GPR20: variants seen among roughly 807,000 people sequenced by gnomAD.
The protein encoded by GPR20 is CTD-3064M3.3.
For missense variants in GPR20, 494 were observed against 527.4 expected (o/e 0.94, Z 0.62); for synonymous variants, 241 against 241.9 (o/e 1.00, Z 0.04).
Position 141,357,060 on chromosome 8 carries a change from G to A in GPR20, c.864C>T (p.Leu288=). 6.2e-7 allele frequency: 1 copy of A among 1,612,574 alleles called. No homozygotes were observed. The highest frequency in any genetic ancestry group is 1.1e-5 in the South Asian group (1 of 91,062). ...VYHVAVTLSS[L]NSCMDPIVYC... ...AGACGATGGGGTCCATGCAGCTGTT[G>A]AGGCTGCTGAGGGTCACGGCCACGT... The change falls in exon 2 of 2, where the codon CTC becomes CTT. Residue 288 remains leucine, a synonymous_variant. Transcript: ENST00000377741.
intron 1 of GPR20, among the ~76,000 whole-genome samples, chr8:141,366,767 T>C (rs1241206624): frequency 6.6e-6 from 1 of 152,188 alleles, no homozygotes; most frequent in Non-Finnish European, 1.5e-5. Flanking sequence ...GCCAAGTGCC[T>C]CTGGGGTCCC....
At position 141,357,787 on chromosome 8, in the gene GPR20, T is replaced by A. The variant is rs1291106334; in HGVS notation, c.137A>T (p.His46Leu). The A allele has an allele frequency of 6.2e-7, 1 of 1,613,384 alleles. No individual in the cohort carries two copies. Among genetic ancestry groups the A allele is most frequent in the East Asian group, 2.2e-5 (1 of 44,882 alleles). ...CAGCCACAGGCCTGGGAAGGTGCCATGCAGCTCCTCGTCCAGCCGGGCAAA... is the reference window on the plus strand; with the variant it reads ...CAGCCACAGGCCTGGGAAGGTGCCAAGCAGCTCCTCGTCCAGCCGGGCAAA... The part of the protein sequence containing the change: ...HLFARLDEEL[H>L]GTFPGLWLAL... The change falls in exon 2 of 2, where the codon CAT becomes CTT. Residue 46 changes from histidine to leucine, a missense_variant. Physicochemically the swap from His to Leu is moderately conservative, Grantham distance 99. Transcript: ENST00000377741.
At chr8:141,360,370 T>C (rs561024292) in intron 1 of GPR20, among the ~76,000 whole-genome samples, 2 of 152,290 alleles carry the variant, frequency 1.3e-5, no homozygotes, top group East Asian at 1.9e-4. Context: ...CCAATCCTAA[T>C]AGCACAATGG....
intron 1 of GPR20, among the ~76,000 whole-genome samples, chr8:141,358,777 C>A (rs939082889): frequency 6.6e-6 from 1 of 152,222 alleles, no homozygotes; most frequent in African/African-American, 2.4e-5. Flanking sequence ...GAGGCGGGCA[C>A]CCCTATGATC....
At chr8:141,363,926 G>C (rs775616724) in intron 1 of GPR20, among the ~76,000 whole-genome samples, 1 of 152,250 alleles carries the variant, frequency 6.6e-6, no homozygotes, top group Non-Finnish European at 1.5e-5. Flanking sequence ...TGTGGAGGAC[G>C]GGCCCAGCCT....
chr8:141,358,650 G>A (rs1354686317), intron 1 of GPR20, among the ~76,000 whole-genome samples: 1 of 152,204 alleles, frequency 6.6e-6, no homozygotes, highest in Non-Finnish European at 1.5e-5. Context: ...TCAGGTCAAT[G>A]CCCTGGATGG....
At chr8:141,364,413 C>T (rs755580530) in intron 1 of GPR20, among the ~76,000 whole-genome samples, 1 of 152,204 alleles carries the variant, frequency 6.6e-6, no homozygotes, top group Non-Finnish European at 1.5e-5. Context: ...CCGTTTCTTC[C>T]ACCAAGAGGC....
At chr8:141,366,800 C>T (rs752985818) in intron 1 of GPR20, among the ~76,000 whole-genome samples, 14 of 152,258 alleles carry the variant, frequency 9.2e-5, no homozygotes, top group Non-Finnish European at 1.8e-4. Context: ...CTGGCTTGGC[C>T]TGTGGGCCAC....
At chr8:141,360,360 C>A (rs1157618645) in intron 1 of GPR20, among the ~76,000 whole-genome samples, 1 of 152,214 alleles carries the variant, frequency 6.6e-6, no homozygotes, top group Non-Finnish European at 1.5e-5. Context: ...CACACTGACC[C>A]CAATCCTAAT....
intron 1 of GPR20, among the ~76,000 whole-genome samples, chr8:141,360,095 G>C (rs1192109298): frequency 6.6e-6 from 1 of 152,158 alleles, no homozygotes; most frequent in African/African-American, 2.4e-5. Flanking sequence ...ACGCTGCGGT[G>C]CTGGGGTCCT....
chr8:141,362,028 T>C (rs1831741928), intron 1 of GPR20, among the ~76,000 whole-genome samples: 1 of 151,552 alleles, frequency 6.6e-6, no homozygotes, highest in South Asian at 2.1e-4. Flanking sequence ...TGCCGCTGGG[T>C]TGGGGGTTCT....
intron 1 of GPR20, among the ~76,000 whole-genome samples, chr8:141,366,521 T>C (rs955976782): frequency 6.6e-6 from 1 of 152,226 alleles, no homozygotes; most frequent in Non-Finnish European, 1.5e-5. Flanking sequence ...TTCGCGGGGC[T>C]GGAGCCAGCT....
intron 1 of GPR20, among the ~76,000 whole-genome samples, chr8:141,363,496 A>T (rs1384843549): frequency 6.6e-6 from 1 of 152,168 alleles, no homozygotes; most frequent in Non-Finnish European, 1.5e-5. Context: ...TGCTCCATCC[A>T]TCCCAATGGC....
chr8:141,363,281 C>T lies in GPR20; in HGVS notation c.-25+3920G>A, dbSNP rs572092094. On this transcript the variant is annotated intron_variant, in intron 1 of 1. Coordinates refer to ENST00000377741, the MANE Select transcript of GPR20 (RefSeq NM_005293.3). ...ATGGGAGGCGTGCGATATAAGAGCA[C>T]GGGAGGCTCCTGGTTTTGGCACCTG... is the stretch of plus-strand genomic sequence containing the variant. Among the ~76,000 whole-genome samples the T allele has an allele frequency of 7.9e-5, 12 of 152,342 alleles. No homozygotes were observed. The South Asian group carries it at 1.0e-3, about 13-fold the overall frequency.
chr8:141,363,082 T>G (rs1831760362), intron 1 of GPR20, among the ~76,000 whole-genome samples: 1 of 152,242 alleles, frequency 6.6e-6, no homozygotes, highest in Non-Finnish European at 1.5e-5. Context: ...CAATGGTCTT[T>G]GGTTTGCAGG....
At chr8:141,365,312 T>C (rs997103451) in intron 1 of GPR20, among the ~76,000 whole-genome samples, 2 of 152,196 alleles carry the variant, frequency 1.3e-5, no homozygotes, top group Admixed American at 6.5e-5. Flanking sequence ...CCACTGTGCC[T>C]GTGGGGAACC....
chr8:141,363,599 A>G (rs1376296993), intron 1 of GPR20, among the ~76,000 whole-genome samples: 1 of 152,202 alleles, frequency 6.6e-6, no homozygotes, highest in African/African-American at 2.4e-5. Context: ...GCACCCGGCC[A>G]TGGAAGGCCA....
At chr8:141,363,040 A>G (rs1039186002) in intron 1 of GPR20, among the ~76,000 whole-genome samples, 4 of 152,034 alleles carry the variant, frequency 2.6e-5, no homozygotes, top group Admixed American at 6.5e-5. Context: ...GGCGTGAGCT[A>G]CTGCGCCCGG....
At chr8:141,360,597 A>C (rs1243951149) in intron 1 of GPR20, among the ~76,000 whole-genome samples, 1 of 152,202 alleles carries the variant, frequency 6.6e-6, no homozygotes, top group African/African-American at 2.4e-5. Context: ...CTCTTTGTTC[A>C]GAAGGAGGAG....
Sources: gnomAD v4.1 joint callset for allele counts (sites outside exome capture counted in the v4.1 genomes callset) on GRCh38, gnomAD v4.1.1 for gene constraint, MANE v1.5 for transcripts, NCBI Gene and HGNC (gene_info 2026-07-23, HGNC 2026-07-21) for gene names.